The following IRGM variants were observed in gnomAD, a reference collection of about 807,000 sequenced individuals.
IRGM encodes the protein immunity related GTPase M.
For missense variants in IRGM, 288 were observed against 219.9 expected (o/e 1.31, Z -1.96); for synonymous variants, 98 against 80.6 (o/e 1.22, Z -1.16).
chr5:150,883,903 T>G (rs1754480056), intron 3 of IRGM, among the ~76,000 whole-genome samples: 2 of 151,976 alleles, frequency 1.3e-5, no homozygotes, highest in African/African-American at 4.8e-5. Context: ...TCAGCGTTAC[T>G]CTGAAACCAA....
intron 1 of IRGM, among the ~76,000 whole-genome samples, chr5:150,855,643 T>C (rs1754038741): frequency 6.6e-6 from 1 of 152,216 alleles, no homozygotes; most frequent in Non-Finnish European, 1.5e-5. Context: ...GGCACCTTCA[T>C]CTTTTCACCA....
chr5:150,885,402 T>A (rs1754506510), intron 3 of IRGM, among the ~76,000 whole-genome samples: 1 of 152,128 alleles, frequency 6.6e-6, no homozygotes, highest in South Asian at 2.1e-4. Context: ...ACTTGAGATC[T>A]TTTTGTCTTC....
chr5:150,848,729 C>T, downstream of IRGM: 1 of 1,235,444 alleles, frequency 8.1e-7, no homozygotes, highest in Non-Finnish European at 1.1e-6. Flanking sequence ...TCCTTTATTT[C>T]ACTGGACTCA....
At chr5:150,891,176 A>G (rs1754604198) in intron 3 of IRGM, among the ~76,000 whole-genome samples, 1 of 152,104 alleles carries the variant, frequency 6.6e-6, no homozygotes, top group East Asian at 1.9e-4. Context: ...CTTTATCACT[A>G]TGAACTGGTC....
chr5:150,889,929 T>C (rs1029348968), intron 3 of IRGM, among the ~76,000 whole-genome samples: 1 of 152,116 alleles, frequency 6.6e-6, no homozygotes, highest in African/African-American at 2.4e-5. Flanking sequence ...GATATTATTG[T>C]TTAGACTTTT....
intron 3 of IRGM, chr5:150,895,192 T>G (rs1754710454): frequency 4.7e-6 from 2 of 427,018 alleles, no homozygotes; most frequent in African/African-American, 2.0e-5. Context: ...GCTGTGCTGA[T>G]CACTGAGTTC....
At chr5:150,900,102 TTAAG>T (rs1265319179) in intron 3 of IRGM, among the ~76,000 whole-genome samples, 2 of 152,104 alleles carry the variant, frequency 1.3e-5, no homozygotes, top group Non-Finnish European at 2.9e-5. Flanking sequence ...ATTACAGTGG[TTAAG>T]TAAATACTTG....
chr5:150,897,625 C>T (rs1754841003), intron 3 of IRGM: 1 of 166,338 alleles, frequency 6.0e-6, no homozygotes, highest in East Asian at 1.8e-4. Context: ...CTCCTTCAGC[C>T]TCATCAGCAT....
chr5:150,856,104 CA>C (rs1313236280), intron 1 of IRGM, among the ~76,000 whole-genome samples: 1 of 151,938 alleles, frequency 6.6e-6, no homozygotes, highest in Non-Finnish European at 1.5e-5. Flanking sequence ...TATATATGTC[CA>C]AATTTTATAA....
chr5:150,865,764 CT>C (rs200464256), intron 1 of IRGM, among the ~76,000 whole-genome samples: 9 of 149,666 alleles, frequency 6.0e-5, no homozygotes, highest in East Asian at 1.9e-4. Flanking sequence ...GAAAAGATGA[CT>C]TTTTTTTTTG....
chr5:150,899,301 G>A (rs960305850), intron 3 of IRGM, among the ~76,000 whole-genome samples: 4 of 151,528 alleles, frequency 2.6e-5, no homozygotes, highest in Middle Eastern at 3.4e-3. Context: ...AGATTCTGAT[G>A]GAATAAAAAT....
At chr5:150,885,259 G>A (rs902489972) in intron 3 of IRGM, among the ~76,000 whole-genome samples, 2 of 151,976 alleles carry the variant, frequency 1.3e-5, no homozygotes, top group African/African-American at 4.8e-5. Flanking sequence ...TCTCTATCCT[G>A]TTCCATTGGT....
intron 1 of IRGM, among the ~76,000 whole-genome samples, chr5:150,874,343 T>G (rs1232014490): frequency 6.6e-6 from 1 of 152,158 alleles, no homozygotes; most frequent in Non-Finnish European, 1.5e-5. Flanking sequence ...CACGCTGGAT[T>G]TGTTGGTGGG....
At chr5:150,849,690 TC>T (rs1753945655), downstream of IRGM, among the ~76,000 whole-genome samples, 1 of 151,060 alleles carries the variant, frequency 6.6e-6, no homozygotes. Context: ...CACTGCAACT[TC>T]CGCCTCCTGG....
intron 3 of IRGM, among the ~76,000 whole-genome samples, chr5:150,884,369 T>TG (rs1166915155): frequency 6.6e-6 from 1 of 152,046 alleles, no homozygotes; most frequent in African/African-American, 2.4e-5. Flanking sequence ...TGAGTAGAGT[T>TG]GCAGTGAATA....
intron 3 of IRGM, chr5:150,896,099 G>C (rs765911691): frequency 6.2e-7 from 1 of 1,613,338 alleles, no homozygotes; most frequent in Non-Finnish European, 8.5e-7. Context: ...TACATTCATA[G>C]GGTTTTTCCC....
Position 150,848,458 on chromosome 5 carries a change from G to T in IRGM, c.335G>T (p.Arg112Leu), listed in dbSNP as rs1026652178. 6.4e-7 allele frequency: 1 copy of T among 1,551,772 alleles called. No homozygotes were observed. The change falls in exon 2 of 2, where the codon CGG becomes CTG. Residue 112 changes from arginine (R) to leucine (L), a missense_variant. Arg to Leu is a moderately radical substitution (Grantham distance 102). Transcript: ENST00000522154. The part of the protein sequence containing the change: ...ENYLMEMQFN[R>L]YDFIMVASAQ... ...TACCTGATGGAAATGCAGTTCAACC[G>T]GTATGACTTCATCATGGTTGCATCT...
intron 3 of IRGM, among the ~76,000 whole-genome samples, chr5:150,882,151 C>T (rs183837238): frequency 1.0e-3 from 150 of 150,744 alleles, no homozygotes; most frequent in African/African-American, 3.4e-3. Context: ...TCTGGGAAGT[C>T]GAGGCTGCAG....
Position 150,848,382 on chromosome 5 carries a change from G to C in IRGM, c.259G>C (p.Val87Leu), listed in dbSNP as rs936462559. Residue 87 changes from valine to leucine, a missense_variant, in exon 2 of 2, where the codon GTG becomes CTG. Val to Leu is a conservative substitution (Grantham distance 32, BLOSUM62 1). Transcript: ENST00000522154. ...SYFSSHFSNV[V>L]LWDLPGTGSA... ...TTTCTCTTCCCACTTTTCAAATGTG[G>C]TGTTGTGGGACCTGCCTGGCACAGG... is the stretch of plus-strand genomic sequence containing the variant. 6.4e-7 allele frequency: 1 copy of C among 1,551,836 alleles called. No individual in the cohort carries two copies.
Sources: allele counts gnomAD v4.1 joint callset (sites outside exome capture counted in the v4.1 genomes callset), GRCh38; gene constraint gnomAD v4.1.1; transcripts MANE v1.5; gene names NCBI Gene and HGNC (gene_info 2026-07-23, HGNC 2026-07-21).